The following CELF2 variants were observed in gnomAD, a reference collection of about 807,000 sequenced individuals.
CELF2 encodes the protein CUGBP Elav-like family member 2, also known as CUG triplet repeat RNA-binding protein 2.
A neutral mutation model predicts 62.6 loss-of-function variants in CELF2; 8 were observed. The ratio of observed to expected loss-of-function variants is 0.13; its 90% CI spans 0.07 to 0.23. The LOEUF (loss-of-function observed/expected upper bound fraction) is 0.23. CELF2 is among the 10% of genes least tolerant of loss of function. CELF2 has a pLI of 1.00. For synonymous variants in CELF2, 258 were observed against 250.0 expected, an observed-to-expected ratio of 1.03 and a Z score of -0.30; for missense variants, 333 against 671.0, an observed-to-expected ratio of 0.50 and a Z score of 5.56.
chr10:10,605,637 C>T, the CELF2 span, among the ~76,000 whole-genome samples: 155 of 152,314 alleles, frequency 1.0e-3, no homozygotes, highest in Non-Finnish European at 1.8e-3. Flanking sequence ...TGGGCCTCGC[C>T]CTGGCCAATT....
chr10:11,132,477 C>A (rs926516883), intron 1 of CELF2, among the ~76,000 whole-genome samples: 5 of 152,098 alleles, frequency 3.3e-5, no homozygotes, highest in Admixed American at 6.5e-5. Flanking sequence ...AAATTAAGAA[C>A]CTTCATAATT....
Position 11,297,970 on chromosome 10 carries a change from A to G in CELF2, c.976+9418A>G, listed in dbSNP as rs2093358689. ...GCACTCCAGCCCAGGTGACAAGAGCAAGGCTCTATCTTAAAAAACAAAAGA... is the reference window on the plus strand; with the variant it reads ...GCACTCCAGCCCAGGTGACAAGAGCGAGGCTCTATCTTAAAAAACAAAAGA... On this transcript the variant is annotated intron_variant, in intron 9 of 12. Coordinates refer to ENST00000633077, the MANE Select transcript of CELF2 (RefSeq NM_001326342.2). This position sits in a 1 kb window ranked among gnomAD's most constrained non-coding sequence, Gnocchi z 4.4. Among the ~76,000 whole-genome samples, 1 of 152,260 alleles carries G rather than the reference A, an allele frequency of 6.6e-6. No individual in the cohort carries two copies. The highest frequency in any genetic ancestry group is 2.4e-5 in the African/African-American group (1 of 41,480).
At chr10:11,278,835 A>G (rs1219287054) in intron 8 of CELF2, among the ~76,000 whole-genome samples, 1 of 152,178 alleles carries the variant, frequency 6.6e-6, no homozygotes, top group Admixed American at 6.5e-5. Context: ...TAGGGACTCT[A>G]AGTTAGCCCA....
chr10:11,275,215 C>A, intron 8 of CELF2, 95 bp downstream of exon 8: 1 of 1,206,338 alleles, frequency 8.3e-7, no homozygotes, highest in Non-Finnish European at 1.2e-6. Context: ...GGAAGAGAAC[C>A]AAGAATGATG....
Position 10,864,174 on chromosome 10 carries a change from G to A in CELF2, c.54-55790G>A, listed in dbSNP as rs77690912. ...TACGTACATACACACATAAAATATC[G>A]GTTAATATCCCAGCTCTGCCACCAA... On this transcript the variant is annotated intron_variant, in intron 1 of 13. Transcript: ENST00000636488. Among the ~76,000 whole-genome samples, 1,191 of 151,994 alleles carry A rather than the reference G, an allele frequency of 7.8e-3. 15 individuals carry two copies. Among genetic ancestry groups the A allele is most frequent in the African/African-American group, 0.027 (1,127 of 41,460 alleles).
the CELF2 span, among the ~76,000 whole-genome samples, chr10:10,637,624 A>T: frequency 1.3e-5 from 2 of 152,210 alleles, no homozygotes; most frequent in Non-Finnish European, 2.9e-5. Context: ...CTTTCCAGCA[A>T]AGGTGACTGC....
rs543073592 is a variant in CELF2 at position 10,806,485 on chromosome 10, T to A, written c.53+7668T>A. 2.0e-5 allele frequency among the ~76,000 whole-genome samples: 3 copies of A among 152,316 alleles called. No individual in the cohort carries two copies. The South Asian group carries it at 6.2e-4, about 32-fold the overall frequency. On this transcript the variant is annotated intron_variant, in intron 1 of 13. Transcript: ENST00000636488. ...TCCCAAAGTCCTGGGATTACAGGCA[T>A]GAGCCACTGCACCCAGCCTCCAGTG...
In CELF2 at chr10:10,912,619, C is replaced by T. The variant is rs182115628; in HGVS notation, c.54-7345C>T. The stretch of plus-strand genomic sequence containing the variant: ...TCTTGACCTTGTGATCTGCTTGCCT[C>T]GGCCTCCCAAAGTGCTGGGATTACA... On this transcript the variant is annotated intron_variant, in intron 1 of 13. Coordinates refer to the CELF2 transcript ENST00000636488. Among the ~76,000 whole-genome samples, 81 of 152,280 alleles carry T rather than the reference C, an allele frequency of 5.3e-4. 1 individual carries two copies. In the East Asian group the frequency reaches 5.8e-3, roughly 11 times the overall value.
At position 11,331,311 on chromosome 10, in the gene CELF2, AAAG is replaced by A. The variant is rs1183620905; in HGVS notation, c.*2259_*2261del. The A allele has an allele frequency of 6.6e-6, 1 of 152,162 alleles. No homozygotes were observed. The highest frequency in any genetic ancestry group is 1.5e-5 in the Non-Finnish European group (1 of 67,958). The allele number at this position is 152,162 out of a possible 1,614,324, so 9.4% of individuals were successfully genotyped here. A position where few individuals can be genotyped will look rare whatever the true frequency, so the allele number is the denominator to read the frequency against. On this transcript the variant is annotated 3_prime_UTR_variant, in exon 13 of 13. Coordinates refer to ENST00000633077, the MANE Select transcript of CELF2 (RefSeq NM_001326342.2). The stretch of plus-strand genomic sequence containing the variant: ...AAAAAAAAAAAGAATTTCAAAAAAA[AAAG>A]TTGTTTGCTTAAAAAAAATTTCATG...
chr10:10,782,163 G>A, the CELF2 span, among the ~76,000 whole-genome samples: 1 of 152,160 alleles, frequency 6.6e-6, no homozygotes, highest in Non-Finnish European at 1.5e-5. Flanking sequence ...AGGGACAACT[G>A]TATATAGGAA....
intron 7 of CELF2, among the ~76,000 whole-genome samples, chr10:11,271,042 C>A (rs778638393): frequency 2.0e-5 from 3 of 152,210 alleles, no homozygotes; most frequent in Non-Finnish European, 4.4e-5. Flanking sequence ...CAAAGTCCCA[C>A]AGGTTAAACT....
At chr10:10,808,382 A>G (rs553428510) in intron 1 of CELF2, among the ~76,000 whole-genome samples, 1 of 152,306 alleles carries the variant, frequency 6.6e-6, no homozygotes, top group South Asian at 2.1e-4. Flanking sequence ...CCTCGCAAGT[A>G]AATTCAATGA....
intron 1 of CELF2, among the ~76,000 whole-genome samples, chr10:11,054,069 T>C (rs533831114): frequency 6.6e-6 from 1 of 152,234 alleles, no homozygotes; most frequent in African/African-American, 2.4e-5. Context: ...TAATTTCCAG[T>C]ATCTTTAGTA....
intron 1 of CELF2, among the ~76,000 whole-genome samples, chr10:11,111,756 C>T (rs2055229532): frequency 6.6e-6 from 1 of 152,216 alleles, no homozygotes; most frequent in Non-Finnish European, 1.5e-5. Context: ...CCCAAGTTCA[C>T]GTTGGATACG....
intron 1 of CELF2, among the ~76,000 whole-genome samples, chr10:11,032,898 G>C (rs1230765294): frequency 1.3e-5 from 2 of 152,154 alleles, no homozygotes; most frequent in East Asian, 1.9e-4. Flanking sequence ...CAATATGTAT[G>C]TTGTGTTACC....
chr10:10,914,359 G>C (rs2134471590), intron 1 of CELF2, among the ~76,000 whole-genome samples: 1 of 152,304 alleles, frequency 6.6e-6, no homozygotes, highest in East Asian at 1.9e-4. Context: ...TGCTCGCATA[G>C]TTCAGGAACG....
chr10:10,900,832 A>C (rs374273858), intron 1 of CELF2, among the ~76,000 whole-genome samples: 4 of 152,364 alleles, frequency 2.6e-5, no homozygotes, highest in African/African-American at 9.6e-5. Context: ...ATTGAATAAA[A>C]TCTTAATAAA....
chr10:10,873,557 A>G (rs2133446453), intron 1 of CELF2, among the ~76,000 whole-genome samples: 1 of 152,338 alleles, frequency 6.6e-6, no homozygotes, highest in East Asian at 1.9e-4. Flanking sequence ...TAACAGGCAC[A>G]TCAGTGCCCC....
chr10:10,936,671 C>T lies in CELF2; in HGVS notation c.89+16672C>T, dbSNP rs1436898582. ...AACTTGTATCCCCCATCCCTGGGGA[C>T]AAAATCTTCATTTCTAGCGTTTTCC... is the stretch of plus-strand genomic sequence containing the variant. On this transcript the variant is annotated intron_variant, in intron 2 of 13. Coordinates refer to the CELF2 transcript ENST00000636488. The surrounding 1 kb of genome is among the most constrained non-coding windows in gnomAD (Gnocchi z 4.0). The T allele has an allele frequency of 6.6e-6, 1 of 152,210 alleles. No homozygotes were observed. Among genetic ancestry groups the T allele is most frequent in the East Asian group, 1.9e-4 (1 of 5,200 alleles). The allele number at this position is 152,210 out of a possible 1,614,324, so 9.4% of individuals were successfully genotyped here.
Sources: allele counts gnomAD v4.1 joint callset (sites outside exome capture counted in the v4.1 genomes callset), GRCh38; gene constraint gnomAD v4.1.1; non-coding constraint Gnocchi (gnomAD v3.1); transcripts MANE v1.5; gene names NCBI Gene and HGNC (gene_info 2026-07-23, HGNC 2026-07-21).